The following THAP1 variants were observed in gnomAD, a reference collection of about 807,000 sequenced individuals.
The protein encoded by THAP1 is THAP domain-containing protein 1.
A neutral mutation model predicts 18.2 loss-of-function variants in THAP1; 6 were observed. The observed-to-expected ratio is 0.33, with a 90% CI of 0.18 to 0.65. The LOEUF is 0.65. Ranked by LOEUF, THAP1 falls within the 30% of genes least tolerant of loss-of-function variation. THAP1 has a pLI of 0.74. For synonymous variants in THAP1, 85 were observed against 90.5 expected, an observed-to-expected ratio of 0.94 and a Z score of 0.34; for missense variants, 176 against 253.0, an observed-to-expected ratio of 0.70 and a Z score of 2.06.
intron 1 of THAP1, among the ~76,000 whole-genome samples, chr8:42,839,927 C>T (rs867938040): frequency 1.5e-4 from 23 of 152,268 alleles, no homozygotes; most frequent in East Asian, 5.8e-4. Context: ...AATGTGCCCA[C>T]GGCTCATGCC....
In THAP1 at chr8:42,840,014, C is replaced by T. The variant is rs187688842; in HGVS notation, c.72-633G>A. 5.3e-5 allele frequency among the ~76,000 whole-genome samples: 8 copies of T among 152,130 alleles called. No individual in the cohort carries two copies. The East Asian group carries it at 1.2e-3, about 22-fold the overall frequency. On this transcript the variant is annotated intron_variant, in intron 1 of 2. Coordinates refer to ENST00000254250, the MANE Select transcript of THAP1 (RefSeq NM_018105.3). ...GAGTTCGAGACTAGCCTGGGCAACA[C>T]GGCAAAACCCTGTCTCTACAAAAGA... is the stretch of plus-strand genomic sequence containing the variant.
At chr8:42,841,659 A>AT (rs1190863007) in intron 1 of THAP1, among the ~76,000 whole-genome samples, 1 of 152,206 alleles carries the variant, frequency 6.6e-6, no homozygotes, top group Non-Finnish European at 1.5e-5. Flanking sequence ...AACATTTTCC[A>AT]TAATTTTAGA....
In THAP1 at chr8:42,843,071, G is replaced by A; in HGVS notation, c.24C>T (p.Tyr8=). The A allele has an allele frequency of 7.4e-6, 12 of 1,613,832 alleles. No homozygotes were observed. Among genetic ancestry groups the A allele is most frequent in the Non-Finnish European group, 1.0e-5 (12 of 1,179,864 alleles). The stretch of plus-strand genomic sequence containing the variant: ...CCTTGTCGTAGCGGTTCTTGCAGCC[G>A]TAGGCGGAGCAGGACTGCACCATCC... MVQSCSA[Y]GCKNRYDKDK... The change falls in exon 1 of 3, where the codon TAC becomes TAT. Residue 8 remains tyrosine, a synonymous_variant. Coordinates refer to ENST00000254250, the MANE Select transcript of THAP1 (RefSeq NM_018105.3).
chr8:42,838,113 T>A lies in THAP1; in HGVS notation c.491A>T (p.Lys164Met). ...CCTTCTGCATCGCTGCTGTGCGGTC[T>A]TGAGCTTCTTTCTGAGTTTTTCAAC... ...QQVEKLRKKL[K>M]TAQQRCRRQE... The change falls in exon 3 of 3, where the codon AAG becomes ATG. Residue 164 changes from lysine to methionine, a missense_variant. Transcript: ENST00000254250. 6.2e-7 allele frequency: 1 copy of A among 1,614,258 alleles called. No homozygotes were observed. The highest frequency in any genetic ancestry group is 8.5e-7 in the Non-Finnish European group (1 of 1,180,048).
chr8:42,840,805 A>T (rs1282569165), intron 1 of THAP1, among the ~76,000 whole-genome samples: 1 of 152,040 alleles, frequency 6.6e-6, no homozygotes, highest in East Asian at 1.9e-4. Context: ...TGTCTCTACT[A>T]AAAATACAAA....
chr8:42,838,958 G>A (rs1490049669), intron 2 of THAP1, among the ~76,000 whole-genome samples: 8 of 152,286 alleles, frequency 5.3e-5, no homozygotes, highest in Admixed American at 5.2e-4. Flanking sequence ...ATAACTGGCA[G>A]TACAGAGTGG....
chr8:42,837,802 T>C lies in THAP1; in HGVS notation c.*160A>G, dbSNP rs1419073942. 1 of 663,762 alleles carries C rather than the reference T, an allele frequency of 1.5e-6. No individual in the cohort carries two copies. The highest frequency in any genetic ancestry group is 1.9e-5 in the African/African-American group (1 of 53,220). The allele number at this position is 663,762 out of a possible 1,614,324, so 41.1% of individuals were successfully genotyped here. On this transcript the variant is annotated 3_prime_UTR_variant, in exon 3 of 3. Transcript: ENST00000254250. ...AAACCTGAAATTACAAACAAAAAAA[T>C]TTATAATTTTACAGTATATATAGAA...
intron 2 of THAP1, among the ~76,000 whole-genome samples, chr8:42,838,888 G>GA (rs1802665939): frequency 1.3e-5 from 2 of 152,014 alleles, no homozygotes; most frequent in East Asian, 1.9e-4. Flanking sequence ...GCACTGAGGA[G>GA]AAAAAAATGC....
rs1340114162 is a variant in THAP1, at chr8:42,839,359, G to T, written c.94C>A (p.Leu32Ile). 2.5e-6 allele frequency: 4 copies of T among 1,613,986 alleles called. No individual in the cohort carries two copies. The highest frequency in any genetic ancestry group is 3.4e-6 in the Non-Finnish European group (4 of 1,180,000). The change falls in exon 2 of 3, where the codon CTT becomes ATT. Residue 32 changes from leucine to isoleucine, a missense_variant. Leu to Ile is a conservative substitution (Grantham distance 5, BLOSUM62 2). Coordinates refer to ENST00000254250, the MANE Select transcript of THAP1 (RefSeq NM_018105.3). Reference protein sequence around the residue: ...FHKFPLTRPSLCKEWEAAVRR... With the variant: ...FHKFPLTRPSICKEWEAAVRR... The stretch of plus-strand genomic sequence containing the variant: ...ACAGCTGCCTCCCATTCTTTACAAA[G>T]ACTGGGTCGAGTAAGAGGAAACCTA...
intron 2 of THAP1, 120 bp downstream of exon 2, chr8:42,839,066 A>T: frequency 1.9e-6 from 2 of 1,052,384 alleles, no homozygotes; most frequent in East Asian, 2.5e-5. Flanking sequence ...TATCACTGTT[A>T]ACTACAAGGT....
Position 42,843,281 on chromosome 8 carries a change from C to T in THAP1, c.-187G>A. On this transcript the variant is annotated 5_prime_UTR_variant, in exon 1 of 3. In the 5' UTR this introduces an upstream ATG that the reference lacks. Transcript: ENST00000254250. ...GTTGTTTGCATTAGCAGAAGGACCACAGCCATCGCCCGTCTCCCATCTCCA... is the reference window on the plus strand; with the variant it reads ...GTTGTTTGCATTAGCAGAAGGACCATAGCCATCGCCCGTCTCCCATCTCCA... 3.0e-6 allele frequency: 2 copies of T among 677,716 alleles called. No individual in the cohort carries two copies. Among genetic ancestry groups the T allele is most frequent in the Non-Finnish European group, 2.6e-6 (1 of 380,908 alleles). The allele number at this position is 677,716 out of a possible 1,614,324, so 42.0% of individuals were successfully genotyped here. A position where few individuals can be genotyped will look rare whatever the true frequency, so the allele number is the denominator to read the frequency against.
rs775435611 is a variant in THAP1 at position 42,841,294 on chromosome 8, C to CTTT, written c.71+1727_71+1729dup. Among the ~76,000 whole-genome samples, 394 of 95,954 alleles carry CTTT rather than the reference C, an allele frequency of 4.1e-3. 2 individuals carry two copies. Among genetic ancestry groups the CTTT allele is most frequent in the African/African-American group, 6.6e-3 (150 of 22,810 alleles). 62.9% of individuals were successfully genotyped at this position (95,954 alleles called of 152,430 possible). A position where few individuals can be genotyped will look rare whatever the true frequency, so the allele number is the denominator to read the frequency against. On this transcript the variant is annotated intron_variant, in intron 1 of 2. Coordinates refer to ENST00000254250, the MANE Select transcript of THAP1 (RefSeq NM_018105.3). ...TAACATCTAGCAGAAACAGTTGTAT[C>CTTT]TTTTTTTTTTTTTTTTTTTTTTTTT...
Position 42,843,128 on chromosome 8 carries a change from CGCA to C in THAP1, c.-37_-35del, listed in dbSNP as rs1802759889. 12 of 1,610,628 alleles carry C rather than the reference CGCA, an allele frequency of 7.5e-6. No individual in the cohort carries two copies. The highest frequency in any genetic ancestry group is 1.0e-5 in the Non-Finnish European group (12 of 1,177,198). On this transcript the variant is annotated 5_prime_UTR_variant, in exon 1 of 3. Transcript: ENST00000254250. ...TCCTCAGGCACTTCACTTCTGCCGC[CGCA>C]GAAGGCAGGGGAAGCTGTTCTCAGT...
intron 1 of THAP1, among the ~76,000 whole-genome samples, 179 bp from the exon 2 acceptor site, chr8:42,839,560 A>T (rs891582383): frequency 4.6e-5 from 7 of 152,110 alleles, no homozygotes; most frequent in African/African-American, 9.7e-5. Flanking sequence ...TTTTTTAAAA[A>T]TTTTTTTGAG....
chr8:42,840,734 TGAG>T (rs1466533865), intron 1 of THAP1, among the ~76,000 whole-genome samples: 2 of 152,126 alleles, frequency 1.3e-5, no homozygotes, highest in African/African-American at 4.8e-5. Flanking sequence ...TTTGGGAGGC[TGAG>T]GAGGGCGGAT....
rs545930392 is a variant in THAP1 at position 42,839,261 on chromosome 8, C to T, written c.192G>A (p.Lys64=). Residue 64 remains lysine, a synonymous_variant, in exon 2 of 3, where the codon AAG becomes AAA. Transcript: ENST00000254250. ...TCAGTAACTTGTTGTTGCACTCTCTCTTAAAGCAGTCTGGAGTAAAGTGCT... is the reference window on the plus strand; with the variant it reads ...TCAGTAACTTGTTGTTGCACTCTCTTTTAAAGCAGTCTGGAGTAAAGTGCT... ...CSEHFTPDCF[K]RECNNKLLKE... 6.2e-7 allele frequency: 1 copy of T among 1,614,104 alleles called. No homozygotes were observed. The highest frequency in any genetic ancestry group is 1.1e-5 in the South Asian group (1 of 91,084).
chr8:42,838,284 G>A lies in THAP1; in HGVS notation c.320C>T (p.Pro107Leu), dbSNP rs1283170075. The A allele has an allele frequency of 6.2e-7, 1 of 1,614,082 alleles. No homozygotes were observed. Among genetic ancestry groups the A allele is most frequent in the Admixed American group, 1.7e-5 (1 of 60,016 alleles). ...QEQLPPPPLP[P>L]PVSQVDAAIG... ...AGCAGCATCAACCTGGGAAACAGGA[G>A]GCGGTAAAGGAGGTGGGGGAAGCTG... is the stretch of plus-strand genomic sequence containing the variant. The change falls in exon 3 of 3, where the codon CCT (proline) becomes CTT (leucine). Residue 107 changes from proline (P) to leucine (L), a missense_variant. Coordinates refer to ENST00000254250, the MANE Select transcript of THAP1 (RefSeq NM_018105.3).
Position 42,843,238 on chromosome 8 carries a change from G to T in THAP1, c.-144C>A. 2.1e-6 allele frequency: 2 copies of T among 936,832 alleles called. No homozygotes were observed. Among genetic ancestry groups the T allele is most frequent in the Non-Finnish European group, 3.4e-6 (2 of 586,748 alleles). The allele number at this position is 936,832 out of a possible 1,614,324, so 58.0% of individuals were successfully genotyped here. A position where few individuals can be genotyped will look rare whatever the true frequency, so the allele number is the denominator to read the frequency against. On this transcript the variant is annotated 5_prime_UTR_variant, in exon 1 of 3. Coordinates refer to ENST00000254250, the MANE Select transcript of THAP1 (RefSeq NM_018105.3). ...AGTGATGGTGGCCTCCCTCGGGGGT[G>T]ACTAGTGTGCCCGTTTTGTTGTTTG...
chr8:42,843,029 G>A lies in THAP1; in HGVS notation c.66C>T (p.Phe22=), dbSNP rs915019502. The A allele has an allele frequency of 3.7e-6, 6 of 1,613,520 alleles. No individual in the cohort carries two copies. In the African/African-American group the frequency reaches 8.0e-5, roughly 22 times the overall value. Residue 22 remains phenylalanine, a synonymous_variant, in exon 1 of 3, where the codon TTC becomes TTT. Coordinates refer to ENST00000254250, the MANE Select transcript of THAP1 (RefSeq NM_018105.3). ...NRYDKDKPVS[F]HKFPLTRPSL... Reference sequence around the variant, plus strand: ...GAGGCGCGCAGGGTCCTCACTTGTGGAAAGAAACGGGCTTGTCCTTGTCGT... The same window carrying A: ...GAGGCGCGCAGGGTCCTCACTTGTGAAAAGAAACGGGCTTGTCCTTGTCGT...
Sources: allele counts gnomAD v4.1 joint callset (sites outside exome capture counted in the v4.1 genomes callset), GRCh38; gene constraint gnomAD v4.1.1; transcripts MANE v1.5; gene names NCBI Gene and HGNC (gene_info 2026-07-23, HGNC 2026-07-21).